MAP3K15: variants seen among roughly 807,000 people sequenced by gnomAD.
MAP3K15 encodes MAPK/ERK kinase kinase 15.
A neutral mutation model predicts 99.5 loss-of-function variants in MAP3K15; 124 were observed. The ratio of observed to expected loss-of-function variants is 1.25; its 90% CI spans 1.08 to 1.45. MAP3K15 has a LOEUF of 1.45. Among genes scored for constraint, MAP3K15 ranks in the 40% most tolerant of loss-of-function variants. The pLI is 0.00. For missense variants in MAP3K15, 1,242 were observed against 1,079.7 expected (o/e 1.15, Z -2.11); for synonymous variants, 494 against 439.6 (o/e 1.12, Z -1.55).
intron 1 of MAP3K15, among the ~76,000 whole-genome samples, chrX:19,500,964 G>A (rs1234058268): frequency 8.9e-6 from 1 of 112,144 alleles, no homozygotes; most frequent in South Asian, 3.7e-4. Flanking sequence ...AATGCTGCAG[G>A]TGAAATGCTT....
chrX:19,456,119 T>C (rs759800545), intron 6 of MAP3K15, among the ~76,000 whole-genome samples: 4 of 111,093 alleles, frequency 3.6e-5, no homozygotes, highest in African/African-American at 1.3e-4. Flanking sequence ...TGTTTGCCGA[T>C]GTCTACTACA....
intron 1 of MAP3K15, among the ~76,000 whole-genome samples, chrX:19,495,519 T>A (rs764091865): frequency 1.8e-5 from 2 of 110,963 alleles, no homozygotes; most frequent in Non-Finnish European, 3.8e-5. Flanking sequence ...AGTATCAAAT[T>A]TTTTTGTAAG....
chrX:19,485,985 A>G (rs781257316), intron 3 of MAP3K15, among the ~76,000 whole-genome samples: 1 of 112,127 alleles, frequency 8.9e-6, no homozygotes, highest in Non-Finnish European at 1.9e-5. Flanking sequence ...AAGCCAAATC[A>G]GGAGACTTCA....
intron 18 of MAP3K15, among the ~76,000 whole-genome samples, chrX:19,380,578 T>C (rs887218592): frequency 1.6e-4 from 18 of 111,237 alleles, no homozygotes; most frequent in Non-Finnish European, 3.4e-4. Flanking sequence ...CAGGCTGGAG[T>C]GCAGTGGCGT....
intron 3 of MAP3K15, among the ~76,000 whole-genome samples, chrX:19,465,833 GT>G (rs1160245183): frequency 2.1e-5 from 2 of 97,300 alleles, no homozygotes; most frequent in African/African-American, 8.5e-5. Context: ...GTGTAGGGGT[GT>G]GTGTGTGTGT....
At chrX:19,430,371 C>T (rs987153348) in intron 7 of MAP3K15, among the ~76,000 whole-genome samples, 1 of 111,405 alleles carries the variant, frequency 9.0e-6, no homozygotes, top group Non-Finnish European at 1.9e-5. Flanking sequence ...CAAATGTGTA[C>T]GGGGTCATTT....
Position 19,515,130 on chromosome X carries a change from C to T in MAP3K15, c.132G>A (p.Ala44=), listed in dbSNP as rs1316164004. The change falls in exon 1 of 29, where the codon GCG becomes GCA. Residue 44 remains alanine, a synonymous_variant. Transcript: ENST00000338883. The part of the protein sequence containing the change: ...PAEPDGAAEG[A]AGGSGEGESG... ...TCTCGCCCTCGCCGCTGCCGCCTGC[C>T]GCGCCCTCCGCCGCCCCGTCGGGCT... 1.3e-6 allele frequency: 1 copy of T among 795,239 alleles called. No individual in the cohort carries two copies. Among genetic ancestry groups the T allele is most frequent in the Non-Finnish European group, 1.5e-6 (1 of 650,637 alleles). 65.5% of individuals were successfully genotyped at this position (795,239 alleles called of 1,213,427 possible).
chrX:19,439,591 T>A (rs2063945577), intron 6 of MAP3K15, among the ~76,000 whole-genome samples: 1 of 111,372 alleles, frequency 9.0e-6, no homozygotes, highest in African/African-American at 3.3e-5. Flanking sequence ...CTCAGCCTCC[T>A]GAGTAGCTGG....
At chrX:19,423,176 TAAGAAAAA>T (rs1482228365) in intron 9 of MAP3K15, among the ~76,000 whole-genome samples, 31 of 106,591 alleles carry the variant, frequency 2.9e-4, no homozygotes, top group Admixed American at 1.5e-3. Flanking sequence ...TAAAGTATAA[TAAGAAAAA>T]AAGAAAAAAA....
chrX:19,365,037 C>G (rs930085153), intron 25 of MAP3K15, among the ~76,000 whole-genome samples: 1 of 109,892 alleles, frequency 9.1e-6, no homozygotes, highest in African/African-American at 3.3e-5. Context: ...AACCCCGTCT[C>G]TACTAAAAAT....
At chrX:19,423,288 T>C (rs1376338099) in intron 9 of MAP3K15, among the ~76,000 whole-genome samples, 2 of 111,230 alleles carry the variant, frequency 1.8e-5, no homozygotes, top group African/African-American at 3.3e-5. Context: ...CAGGGACCCC[T>C]TGTGTTGCCT....
intron 1 of MAP3K15, among the ~76,000 whole-genome samples, chrX:19,504,054 A>G (rs1264223265): frequency 4.3e-5 from 4 of 92,147 alleles, no homozygotes; most frequent in Admixed American, 2.7e-4. Context: ...CAGGAAGGTG[A>G]GGTTACAGTG....
At chrX:19,407,105 A>G in intron 13 of MAP3K15, 83 bp downstream of exon 13, 1 of 547,417 alleles carries the variant, frequency 1.8e-6, no homozygotes, top group East Asian at 3.8e-5. Context: ...AGTAATAGCA[A>G]GTAAATATCT....
chrX:19,411,260 G>C (rs1209682981), intron 11 of MAP3K15, among the ~76,000 whole-genome samples: 3 of 111,803 alleles, frequency 2.7e-5, no homozygotes, highest in African/African-American at 6.5e-5. Context: ...GGGAAGAAAA[G>C]TATGAGAACC....
chrX:19,390,303 C>CTT (rs869140702), intron 18 of MAP3K15, among the ~76,000 whole-genome samples: 727 of 69,276 alleles, frequency 0.01, 5 homozygotes, highest in Non-Finnish European at 0.015. Context: ...CTAATTTTTT[C>CTT]TTTTTTTTTT....
intron 4 of MAP3K15, among the ~76,000 whole-genome samples, chrX:19,463,669 A>ATTCACTTCTG: frequency 8.9e-6 from 1 of 111,833 alleles, no homozygotes. Flanking sequence ...ATCTAAACCT[A>ATTCACTTCTG]TTCACTTCTG....
At chrX:19,414,991 C>T in intron 10 of MAP3K15, 116 bp downstream of exon 10, 1 of 660,047 alleles carries the variant, frequency 1.5e-6, no homozygotes, top group Non-Finnish European at 2.2e-6. Flanking sequence ...GATGTTTATC[C>T]CAACATTTAA....
intron 3 of MAP3K15, among the ~76,000 whole-genome samples, chrX:19,473,919 T>C (rs2064223435): frequency 8.9e-6 from 1 of 112,315 alleles, no homozygotes; most frequent in African/African-American, 3.2e-5. Flanking sequence ...ATCTGGTAAA[T>C]ATATATAGGA....
At position 19,360,420 on chromosome X, in the gene MAP3K15, A is replaced by G; in HGVS notation, c.*329T>C. 2 of 212,534 alleles carry G rather than the reference A, an allele frequency of 9.4e-6. No homozygotes were observed. The highest frequency in any genetic ancestry group is 1.7e-5 in the Non-Finnish European group (2 of 117,261). The allele number at this position is 212,534 out of a possible 1,213,427, so 17.5% of individuals were successfully genotyped here. A position where few individuals can be genotyped will look rare whatever the true frequency, so the allele number is the denominator to read the frequency against. On this transcript the variant is annotated 3_prime_UTR_variant, in exon 29 of 29. Coordinates refer to ENST00000338883, the MANE Select transcript of MAP3K15 (RefSeq NM_001001671.4). ...CAGGCTGGAGTGCAGTGGTGTGATC[A>G]TGGCTCACTGCAGCCTCCACACCTC...
Sources: allele counts gnomAD v4.1 joint callset (sites outside exome capture counted in the v4.1 genomes callset), GRCh38; gene constraint gnomAD v4.1.1; transcripts MANE v1.5; gene names NCBI Gene and HGNC (gene_info 2026-07-23, HGNC 2026-07-21).